Variants in CDH18 observed in about 807,000 individuals in gnomAD.
CDH18 encodes cadherin 18.
A neutral mutation model predicts 67.9 loss-of-function variants in CDH18; 31 were observed. The ratio of observed to expected loss-of-function variants is 0.46; its 90% CI spans 0.34 to 0.62. The LOEUF is 0.62. CDH18 is among the 20% of genes least tolerant of loss of function. The pLI is 0.01. For synonymous variants in CDH18, 362 were observed against 347.2 expected (o/e 1.04, Z -0.48); for missense variants, 890 against 975.5 (o/e 0.91, Z 1.17).
intron 2 of CDH18, among the ~76,000 whole-genome samples, chr5:20,009,021 A>G (rs1737172368): frequency 6.6e-6 from 1 of 152,096 alleles, no homozygotes; most frequent in African/African-American, 2.4e-5. Context: ...GACGCATAAG[A>G]TGTACTGATT....
At chr5:19,508,060 A>C (rs1327658646) in intron 10 of CDH18, among the ~76,000 whole-genome samples, 1 of 151,774 alleles carries the variant, frequency 6.6e-6, no homozygotes, top group Non-Finnish European at 1.5e-5. Flanking sequence ...ATTTCTGAAA[A>C]AAAAAAAAGC....
intron 2 of CDH18, among the ~76,000 whole-genome samples, chr5:20,087,213 C>T (rs1420655835): frequency 6.6e-6 from 1 of 152,146 alleles, no homozygotes; most frequent in African/African-American, 2.4e-5. Flanking sequence ...GACTGAAATG[C>T]TGCAATCTCA....
At chr5:19,831,525 A>T (rs1372968520) in intron 3 of CDH18, among the ~76,000 whole-genome samples, 1 of 152,148 alleles carries the variant, frequency 6.6e-6, no homozygotes, top group Non-Finnish European at 1.5e-5. Context: ...TAATTATCAG[A>T]GAAATGCAAA....
chr5:20,362,232 A>T (rs1435623329), intron 1 of CDH18, among the ~76,000 whole-genome samples: 1 of 152,188 alleles, frequency 6.6e-6, no homozygotes, highest in Non-Finnish European at 1.5e-5. Flanking sequence ...CTATACTTGC[A>T]GCAAAACAAA....
At chr5:20,552,216 C>T (rs543366419) in intron 1 of CDH18, among the ~76,000 whole-genome samples, 33 of 150,916 alleles carry the variant, frequency 2.2e-4, no homozygotes, top group Non-Finnish European at 4.3e-4. Context: ...TTGGCTCATG[C>T]CTATAATAAC....
intron 2 of CDH18, among the ~76,000 whole-genome samples, chr5:19,938,209 T>C (rs1485853580): frequency 6.6e-6 from 1 of 150,866 alleles, no homozygotes; most frequent in African/African-American, 2.4e-5. Flanking sequence ...CCTTCCAAGA[T>C]TGTGGAAAAA....
At chr5:20,315,204 C>T (rs1329099054) in intron 1 of CDH18, among the ~76,000 whole-genome samples, 2 of 152,014 alleles carry the variant, frequency 1.3e-5, no homozygotes, top group Non-Finnish European at 2.9e-5. Context: ...CTAGGAGTAG[C>T]TCATAATTTG....
At chr5:20,206,323 AGTGAGAC>A (rs1206174780) in intron 2 of CDH18, among the ~76,000 whole-genome samples, 1 of 151,932 alleles carries the variant, frequency 6.6e-6, no homozygotes, top group Non-Finnish European at 1.5e-5. Flanking sequence ...AAAAATGAGT[AGTGAGAC>A]TGATGCCATA....
In CDH18 at chr5:19,503,010, T is replaced by A; in HGVS notation, c.1612A>T (p.Thr538Ser). The part of the protein sequence containing the change: ...DERLPVNPNF[T>S]LKDNEDNTAS... ...TGTTCACCTTCATTGTCCTTCAGAG[T>A]GAAGTTTGGATTTACAGGCAGGCGT... The change falls in exon 11 of 13, where the codon ACT becomes TCT. Residue 538 changes from threonine (T) to serine (S), a missense_variant. Coordinates refer to ENST00000382275, the MANE Select transcript of CDH18 (RefSeq NM_004934.5). 1 of 1,600,958 alleles carries A rather than the reference T, an allele frequency of 6.2e-7. No homozygotes were observed. The highest frequency in any genetic ancestry group is 8.6e-7 in the Non-Finnish European group (1 of 1,168,350).
At chr5:20,471,645 C>CA (rs1233177910) in intron 1 of CDH18, among the ~76,000 whole-genome samples, 5 of 151,078 alleles carry the variant, frequency 3.3e-5, no homozygotes, top group South Asian at 2.1e-4. Flanking sequence ...ACTAAAAATA[C>CA]AAAAAAATTA....
At chr5:20,071,749 T>G (rs1743497515) in intron 2 of CDH18, among the ~76,000 whole-genome samples, 1 of 152,110 alleles carries the variant, frequency 6.6e-6, no homozygotes, top group Non-Finnish European at 1.5e-5. Context: ...TGTAAACTGA[T>G]TTTGTAAATT....
intron 2 of CDH18, among the ~76,000 whole-genome samples, chr5:20,039,107 G>T (rs1347657904): frequency 1.3e-5 from 2 of 151,912 alleles, no homozygotes; most frequent in African/African-American, 2.4e-5. Context: ...GCTACGAAGA[G>T]AATAAAATAC....
At position 20,064,994 on chromosome 5, in the gene CDH18, T is replaced by C. The variant is rs375904394; in HGVS notation, c.-517-72980A>G. Among the ~76,000 whole-genome samples the C allele has an allele frequency of 4.6e-5, 7 of 152,160 alleles. No homozygotes were observed. The East Asian group carries it at 1.4e-3, about 29-fold the overall frequency. ...CACCAGTTCTGTATTTTTTGGTCTT[T>C]GTGATTAATTTTCCTAAACTGTTAA... On this transcript the variant is annotated intron_variant, in intron 2 of 14. Coordinates refer to the CDH18 transcript ENST00000507958.
chr5:19,621,058 G>A lies in CDH18; in HGVS notation c.644-8457C>T, dbSNP rs2150140944. On this transcript the variant is annotated intron_variant, in intron 5 of 12. Transcript: ENST00000382275. Reference sequence around the variant, plus strand: ...TGGCAAAAAAGAAAATTAAACTGTAGACTTTCACAATAGGTTTACCTGTGA... The same window carrying A: ...TGGCAAAAAAGAAAATTAAACTGTAAACTTTCACAATAGGTTTACCTGTGA... Among the ~76,000 whole-genome samples the A allele has an allele frequency of 2.0e-5, 3 of 152,182 alleles. No homozygotes were observed. In the Middle Eastern group the frequency reaches 0.01, roughly 518 times the overall value.
chr5:19,491,809 A>C (rs896828827), intron 11 of CDH18, among the ~76,000 whole-genome samples: 2 of 152,112 alleles, frequency 1.3e-5, no homozygotes, highest in Non-Finnish European at 1.5e-5. Flanking sequence ...GCAAAAAAAA[A>C]CAAGTAATAA....
intron 2 of CDH18, among the ~76,000 whole-genome samples, chr5:19,917,764 G>T (rs74929040): frequency 2.0e-5 from 3 of 152,124 alleles, no homozygotes; most frequent in Admixed American, 6.6e-5. Context: ...TCAGTAACTC[G>T]AAGAGTGTTT....
intron 1 of CDH18, among the ~76,000 whole-genome samples, chr5:20,397,514 A>G (rs1193009913): frequency 1.3e-5 from 2 of 152,184 alleles, no homozygotes; most frequent in East Asian, 1.9e-4. Flanking sequence ...TTCAGAAATT[A>G]ATTTAATTCT....
chr5:20,115,161 C>A (rs994147380), intron 2 of CDH18, among the ~76,000 whole-genome samples: 1 of 151,548 alleles, frequency 6.6e-6, no homozygotes, highest in Non-Finnish European at 1.5e-5. Flanking sequence ...TTGCAGATTA[C>A]CGCCTTTTTG....
At chr5:19,774,721 C>T (rs1774121186) in intron 3 of CDH18, among the ~76,000 whole-genome samples, 1 of 140,288 alleles carries the variant, frequency 7.1e-6, no homozygotes, top group Non-Finnish European at 1.5e-5. Flanking sequence ...ACTAGGGAGG[C>T]TGAGACAGGA....
Sources: allele counts gnomAD v4.1 joint callset (sites outside exome capture counted in the v4.1 genomes callset), GRCh38; gene constraint gnomAD v4.1.1; transcripts MANE v1.5; gene names NCBI Gene and HGNC (gene_info 2026-07-23, HGNC 2026-07-21).